Variants in MTUS1 observed in about 807,000 individuals in gnomAD.
The protein encoded by MTUS1 is microtubule-associated tumor suppressor 1.
Under a neutral mutation model 120.8 loss-of-function variants are expected in MTUS1, and 109 were observed. The ratio of observed to expected loss-of-function variants is 0.90; its 90% CI spans 0.77 to 1.06. The LOEUF is 1.06. MTUS1 is among the 50% of genes least tolerant of loss of function. The probability of loss-of-function intolerance (pLI) is 0.00; values close to 1 mark genes in which losing one functional copy is unlikely to be tolerated. For missense variants in MTUS1, 2,210 were observed against 1,486.3 expected (o/e 1.49, Z -8.01); for synonymous variants, 737 against 550.5 (o/e 1.34, Z -4.74).
chr8:17,761,943 A>G (rs576022817), intron 1 of MTUS1, among the ~76,000 whole-genome samples: 3 of 152,214 alleles, frequency 2.0e-5, no homozygotes, highest in African/African-American at 7.2e-5. Context: ...AAAAAAGATG[A>G]CATTGGCACA....
In MTUS1 at chr8:17,669,350, G is replaced by A. The variant is rs546940239; in HGVS notation, c.2905+5836C>T. Among the ~76,000 whole-genome samples, 9 of 152,278 alleles carry A rather than the reference G, an allele frequency of 5.9e-5. No individual in the cohort carries two copies. In the South Asian group the frequency reaches 1.7e-3, roughly 28 times the overall value. On this transcript the variant is annotated intron_variant, in intron 8 of 14. Transcript: ENST00000693296. ...GTGCACTCCAGGCAGAGAGGATACC[G>A]TGCAAAAGATGTGGACAAGAGGTGC...
intron 1 of MTUS1, among the ~76,000 whole-genome samples, chr8:17,766,639 GA>G (rs1285467816): frequency 6.6e-6 from 1 of 152,216 alleles, no homozygotes; most frequent in Non-Finnish European, 1.5e-5. Context: ...GCCTGTGTAA[GA>G]AAGTATTGTC....
intron 6 of MTUS1, among the ~76,000 whole-genome samples, chr8:17,688,172 C>A (rs962163843): frequency 6.6e-6 from 1 of 152,160 alleles, no homozygotes; most frequent in Non-Finnish European, 1.5e-5. Flanking sequence ...TGGAAACGAA[C>A]GTTGTCCACT....
chr8:17,669,378 A>G (rs1263299418), intron 8 of MTUS1, among the ~76,000 whole-genome samples: 1 of 152,208 alleles, frequency 6.6e-6, no homozygotes, highest in Non-Finnish European at 1.5e-5. Context: ...AGAGGTGCAA[A>G]TGAACCCATG....
chr8:17,676,139 C>T (rs963595423), intron 7 of MTUS1: 36 of 659,284 alleles, frequency 5.5e-5, no homozygotes, highest in Admixed American at 4.3e-4. Flanking sequence ...CTGATCACAG[C>T]GTTGCAGAGA....
intron 1 of MTUS1, among the ~76,000 whole-genome samples, chr8:17,763,858 T>C (rs1361778097): frequency 1.3e-5 from 2 of 152,236 alleles, no homozygotes; most frequent in African/African-American, 4.8e-5. Context: ...CCTCTGGGCC[T>C]GGACCATAGA....
intron 6 of MTUS1, among the ~76,000 whole-genome samples, chr8:17,690,747 A>AC: frequency 6.6e-6 from 1 of 152,096 alleles, no homozygotes; most frequent in South Asian, 2.1e-4. Context: ...CAAATCTCTC[A>AC]CCCCAAAAGA....
chr8:17,747,469 C>G (rs931767348), intron 2 of MTUS1, among the ~76,000 whole-genome samples: 5 of 152,140 alleles, frequency 3.3e-5, no homozygotes, highest in Non-Finnish European at 4.4e-5. Context: ...TTGATAGAGG[C>G]AGGAGGCAGA....
intron 2 of MTUS1, among the ~76,000 whole-genome samples, chr8:17,748,612 C>T (rs2047949062): frequency 6.6e-6 from 1 of 152,186 alleles, no homozygotes; most frequent in South Asian, 2.1e-4. Context: ...ACAGACACCA[C>T]CACCTGGGCA....
intron 4 of MTUS1, among the ~76,000 whole-genome samples, chr8:17,720,355 A>C (rs1370215872): frequency 6.6e-6 from 1 of 151,754 alleles, no homozygotes; most frequent in African/African-American, 2.4e-5. Context: ...AAAAAAAAAA[A>C]AAACAAAAAA....
rs1216634427 is a variant in MTUS1, at chr8:17,767,926, G to A, written c.-154-11965C>T. 3.9e-5 allele frequency among the ~76,000 whole-genome samples: 6 copies of A among 152,224 alleles called. No individual in the cohort carries two copies. In the South Asian group the frequency reaches 8.3e-4, roughly 21 times the overall value. ...CCTAGTGAGGAGAGACTAGACGCAC[G>A]AAACTGCTAGGGCAGATGGGAACTC... is the stretch of plus-strand genomic sequence containing the variant. On this transcript the variant is annotated intron_variant, in intron 1 of 14. Coordinates refer to ENST00000693296, the MANE Select transcript of MTUS1 (RefSeq NM_001363059.2).
At chr8:17,722,220 C>A in intron 4 of MTUS1, 2 of 1,004,886 alleles carry the variant, frequency 2.0e-6, no homozygotes, top group Non-Finnish European at 2.4e-6. Flanking sequence ...AGACACAGTA[C>A]TGAAACGGTG....
chr8:17,770,046 G>A (rs928626468), intron 1 of MTUS1, among the ~76,000 whole-genome samples: 22 of 152,044 alleles, frequency 1.4e-4, no homozygotes, highest in African/African-American at 4.3e-4. Flanking sequence ...ATTTCCTGCC[G>A]CACTCCATAC....
At chr8:17,679,105 G>A (rs1054726935) in intron 7 of MTUS1, among the ~76,000 whole-genome samples, 1 of 150,816 alleles carries the variant, frequency 6.6e-6, no homozygotes, top group African/African-American at 2.4e-5. Flanking sequence ...TGCAACAAAA[G>A]CATGGTAGTT....
At chr8:17,688,827 TATA>T (rs1234479059) in intron 6 of MTUS1, among the ~76,000 whole-genome samples, 2 of 152,218 alleles carry the variant, frequency 1.3e-5, no homozygotes, top group Non-Finnish European at 2.9e-5. Context: ...TCTATTTACA[TATA>T]ATATTTTTCT....
At chr8:17,770,928 G>T (rs1186257311) in intron 1 of MTUS1, among the ~76,000 whole-genome samples, 2 of 152,180 alleles carry the variant, frequency 1.3e-5, no homozygotes, top group East Asian at 3.8e-4. Context: ...ATTCACTGTG[G>T]CTGGGTGACT....
chr8:17,767,360 G>C (rs1254375110), intron 1 of MTUS1, among the ~76,000 whole-genome samples: 1 of 151,784 alleles, frequency 6.6e-6, no homozygotes, highest in African/African-American at 2.4e-5. Context: ...TTTCCATGTG[G>C]TGATTAAAGC....
chr8:17,654,653 TTTAAG>T lies in MTUS1; in HGVS notation c.3117_3121del (p.Asn1039LysfsTer5). ...CAACTTAGAGGTTTCATGCGCAGCATTTAAGTTGTCAAACTGTAAGCAACAAACAA... is the reference window on the plus strand; with the variant it reads ...CAACTTAGAGGTTTCATGCGCAGCATTTGTCAAACTGTAAGCAACAAACAA... On this transcript the variant is annotated frameshift_variant, in exon 10 of 15. Coordinates refer to ENST00000693296, the MANE Select transcript of MTUS1 (RefSeq NM_001363059.2). LOFTEE classifies it high-confidence loss of function. 1 of 1,613,708 alleles carries T rather than the reference TTTAAG, an allele frequency of 6.2e-7. No individual in the cohort carries two copies. Among genetic ancestry groups the T allele is most frequent in the Non-Finnish European group, 8.5e-7 (1 of 1,179,536 alleles).
chr8:17,666,100 T>TTC (rs1488836499), intron 8 of MTUS1, among the ~76,000 whole-genome samples: 2 of 142,752 alleles, frequency 1.4e-5, no homozygotes, highest in African/African-American at 5.9e-5. Flanking sequence ...CTTTTTTTTT[T>TTC]TTTTTTTTTT....
Sources: allele counts gnomAD v4.1 joint callset (sites outside exome capture counted in the v4.1 genomes callset), GRCh38; gene constraint gnomAD v4.1.1; transcripts MANE v1.5; gene names NCBI Gene and HGNC (gene_info 2026-07-23, HGNC 2026-07-21).